The following RGS12 variants were observed in gnomAD, a reference collection of about 807,000 sequenced individuals.
RGS12 encodes the protein regulator of G-protein signaling 12.
Under a neutral mutation model 120.1 loss-of-function variants are expected in RGS12, and 66 were observed. The ratio of observed to expected loss-of-function variants is 0.55; its 90% CI spans 0.45 to 0.67. RGS12 has a LOEUF of 0.67. Ranked by LOEUF, RGS12 falls within the 30% of genes least tolerant of loss-of-function variation. The pLI is 0.00. For synonymous variants in RGS12, 827 were observed against 804.7 expected, an observed-to-expected ratio of 1.03 and a Z score of -0.47; for missense variants, 1,859 against 1,957.7, an observed-to-expected ratio of 0.95 and a Z score of 0.95.
intron 3 of RGS12, among the ~76,000 whole-genome samples, chr4:3,380,146 G>A (rs1718109025): frequency 6.6e-6 from 1 of 152,220 alleles, no homozygotes; most frequent in African/African-American, 2.4e-5. Context: ...ATAACAAAGG[G>A]GCTGCAGGCC....
At chr4:3,355,794 C>CAA (rs372490658) in intron 3 of RGS12, among the ~76,000 whole-genome samples, 1,179 of 55,938 alleles carry the variant, frequency 0.021, 30 homozygotes, top group African/African-American at 0.044. Context: ...GACCTTGTCT[C>CAA]AAAAAAAAAA....
At chr4:3,358,866 G>A (rs1234147418) in intron 3 of RGS12, among the ~76,000 whole-genome samples, 17 of 90,316 alleles carry the variant, frequency 1.9e-4, no homozygotes, top group South Asian at 8.0e-4. Flanking sequence ...CCCCTCCTCC[G>A]CCTCCCCCTT....
At chr4:3,319,006 C>G (rs983602725) in intron 2 of RGS12, among the ~76,000 whole-genome samples, 1 of 152,212 alleles carries the variant, frequency 6.6e-6, no homozygotes, top group Non-Finnish European at 1.5e-5. Context: ...TAAGAAGACC[C>G]TCTAAGGCTG....
Position 3,365,323 on chromosome 4 carries a change from G to A in RGS12, c.1999-21093G>A, listed in dbSNP as rs1385125380. 6.6e-6 allele frequency among the ~76,000 whole-genome samples: 1 copy of A among 152,164 alleles called. No individual in the cohort carries two copies. On this transcript the variant is annotated intron_variant, in intron 3 of 17. Transcript: ENST00000336727. This position sits in a 1 kb window ranked among gnomAD's most constrained non-coding sequence, Gnocchi z 4.0. ...TGGTGTCGCCTGCACAGCGGGCAGT[G>A]CCTACTCTTGGCCCTTTACAGGGAG...
chr4:3,384,884 G>A (rs574021985), intron 3 of RGS12, among the ~76,000 whole-genome samples: 59 of 152,360 alleles, frequency 3.9e-4, no homozygotes, highest in African/African-American at 1.1e-3. Flanking sequence ...GCCAGGCTGC[G>A]TCGGGGCATG....
chr4:3,394,154 A>G (rs1577040493), intron 4 of RGS12, among the ~76,000 whole-genome samples: 3 of 150,364 alleles, frequency 2.0e-5, no homozygotes, highest in Admixed American at 2.0e-4. Flanking sequence ...CTGCTCCTTC[A>G]GCACATCTTT....
At position 3,438,413 on chromosome 4, in the gene RGS12, C is replaced by T. The variant is rs145789365; in HGVS notation, c.4115-1042C>T. Among the ~76,000 whole-genome samples, 929 of 150,178 alleles carry T rather than the reference C, an allele frequency of 6.2e-3. 12 individuals carry two copies. Among genetic ancestry groups the T allele is most frequent in the African/African-American group, 0.021 (879 of 41,012 alleles). On this transcript the variant is annotated intron_variant, in intron 17 of 17. Coordinates refer to ENST00000336727, the MANE Select transcript of RGS12 (RefSeq NM_001394154.1). ...GGCGGGTCGGCAACGTCACCCCCAC[C>T]GTACAGATGGGGGGGTGGGGTCAGT...
intron 1 of RGS12, among the ~76,000 whole-genome samples, chr4:3,293,660 G>A (rs1217968903): frequency 6.6e-6 from 1 of 152,132 alleles, no homozygotes; most frequent in Non-Finnish European, 1.5e-5. Context: ...AGACAGAGAG[G>A]GGCCCAAAGC....
At chr4:3,306,966 C>G (rs1489729175) in intron 1 of RGS12, among the ~76,000 whole-genome samples, 1 of 152,208 alleles carries the variant, frequency 6.6e-6, no homozygotes, top group African/African-American at 2.4e-5. Flanking sequence ...TTTTAGGCAA[C>G]TAAGCAATGT....
At chr4:3,376,559 CCA>C (rs1717720379) in intron 3 of RGS12, among the ~76,000 whole-genome samples, 1 of 152,230 alleles carries the variant, frequency 6.6e-6, no homozygotes, top group Admixed American at 6.5e-5. Context: ...TGCACTGTGT[CCA>C]CACACAGACT....
At chr4:3,382,901 C>T (rs1479221512) in intron 3 of RGS12, among the ~76,000 whole-genome samples, 4 of 152,146 alleles carry the variant, frequency 2.6e-5, no homozygotes, top group East Asian at 1.9e-4. Flanking sequence ...GGTTACTCAA[C>T]GCTCTGCATT....
intron 2 of RGS12, among the ~76,000 whole-genome samples, chr4:3,321,552 C>T (rs184058217): frequency 6.6e-6 from 1 of 152,324 alleles, no homozygotes; most frequent in African/African-American, 2.4e-5. Context: ...CACAGTGCCC[C>T]GTTAGGCTAC....
intron 2 of RGS12, chr4:3,324,646 C>G (rs1282851389): frequency 6.6e-6 from 1 of 152,426 alleles, no homozygotes; most frequent in Non-Finnish European, 1.5e-5. Flanking sequence ...GACGTCCTGT[C>G]CACTGCAGAA....
At chr4:3,439,133 T>C (rs1577118512) in intron 17 of RGS12, among the ~76,000 whole-genome samples, 1 of 146,892 alleles carries the variant, frequency 6.8e-6, no homozygotes, top group African/African-American at 2.5e-5. Flanking sequence ...GGGGGGCAGT[T>C]GGGGCGGGGG....
At chr4:3,345,092 A>G (rs1713671120) in intron 3 of RGS12, among the ~76,000 whole-genome samples, 1 of 152,186 alleles carries the variant, frequency 6.6e-6, no homozygotes, top group Non-Finnish European at 1.5e-5. Flanking sequence ...CAAGAAAGAC[A>G]GCAGTTTTTC....
Position 3,414,064 on chromosome 4 carries a change from T to A in RGS12, c.2021-8T>A, listed in dbSNP as rs1270970391. 1.9e-6 allele frequency: 3 copies of A among 1,546,984 alleles called. No homozygotes were observed. In the South Asian group the frequency reaches 3.5e-5, roughly 18 times the overall value. On this transcript the variant is annotated splice_region_variant and splice_polypyrimidine_tract_variant and intron_variant, in intron 4 of 17. Transcript: ENST00000336727. ...GGGGTGCAGGTGCTGTCTGTGCTGG[T>A]CCCGCAGAGTTGACGGGCGCCGACC...
At chr4:3,399,939 C>A (rs779519588) in intron 4 of RGS12, among the ~76,000 whole-genome samples, 1 of 152,160 alleles carries the variant, frequency 6.6e-6, no homozygotes, top group Non-Finnish European at 1.5e-5. Context: ...GCCTTGTGGC[C>A]GAGGGAAAAG....
At chr4:3,400,487 ATAT>A (rs1304773679) in intron 4 of RGS12, among the ~76,000 whole-genome samples, 25 of 152,162 alleles carry the variant, frequency 1.6e-4, no homozygotes, top group African/African-American at 5.5e-4. Context: ...GACGAAAATC[ATAT>A]TATTACCACA....
In RGS12 at chr4:3,365,083, C is replaced by T. The variant is rs1446571147; in HGVS notation, c.1999-21333C>T. ...AGGAGGATGAGGTGACGGCGGTTTG[C>T]AGGTTCCCCGGGAGCTGTTGGAGCC... On this transcript the variant is annotated intron_variant, in intron 3 of 17. Coordinates refer to ENST00000336727, the MANE Select transcript of RGS12 (RefSeq NM_001394154.1). This position sits in a 1 kb window ranked among gnomAD's most constrained non-coding sequence, Gnocchi z 4.0. Among the ~76,000 whole-genome samples, 3 of 152,072 alleles carry T rather than the reference C, an allele frequency of 2.0e-5. No homozygotes were observed. The highest frequency in any genetic ancestry group is 6.5e-5 in the Admixed American group (1 of 15,278).
Sources: allele counts gnomAD v4.1 joint callset (sites outside exome capture counted in the v4.1 genomes callset), GRCh38; gene constraint gnomAD v4.1.1; non-coding constraint Gnocchi (gnomAD v3.1); transcripts MANE v1.5; gene names NCBI Gene and HGNC (gene_info 2026-07-23, HGNC 2026-07-21).